The following AP3B1 variants were observed in gnomAD, a reference collection of about 807,000 sequenced individuals.
AP3B1 encodes the protein AP-3 complex subunit beta-1.
A neutral mutation model predicts 132.5 loss-of-function variants in AP3B1; 61 were observed. The observed-to-expected ratio is 0.46, with a 90% CI of 0.37 to 0.57. The LOEUF (loss-of-function observed/expected upper bound fraction) is 0.57, where lower values mean the gene tolerates loss of function less well. AP3B1 is among the 20% of genes least tolerant of loss of function. AP3B1 has a pLI of 0.00. For synonymous variants in AP3B1, 388 were observed against 438.3 expected, an observed-to-expected ratio of 0.89 and a Z score of 1.43; for missense variants, 1,120 against 1,289.4, an observed-to-expected ratio of 0.87 and a Z score of 2.01.
intron 21 of AP3B1, among the ~76,000 whole-genome samples, chr5:78,098,594 T>C (rs1750999175): frequency 6.6e-6 from 1 of 152,230 alleles, no homozygotes; most frequent in South Asian, 2.1e-4. Flanking sequence ...CACAGAAAGA[T>C]ACAAAATATA....
intron 14 of AP3B1, among the ~76,000 whole-genome samples, chr5:78,148,030 T>TG (rs1554070433): frequency 6.2e-5 from 9 of 144,112 alleles, no homozygotes; most frequent in Non-Finnish European, 9.2e-5. Flanking sequence ...AAGACTCCAT[T>TG]AAAAAAAAAA....
At chr5:78,252,111 A>T (rs1473328608) in intron 2 of AP3B1, among the ~76,000 whole-genome samples, 1 of 152,164 alleles carries the variant, frequency 6.6e-6, no homozygotes, top group African/African-American at 2.4e-5. Flanking sequence ...GCCTTGAAGG[A>T]AAGGTCTGAG....
At chr5:78,071,591 C>T (rs1010914190) in intron 22 of AP3B1, among the ~76,000 whole-genome samples, 1 of 152,178 alleles carries the variant, frequency 6.6e-6, no homozygotes, top group African/African-American at 2.4e-5. Context: ...AATAAACACT[C>T]AAACACCAAT....
chr5:78,066,997 G>C (rs1290495161), intron 22 of AP3B1, among the ~76,000 whole-genome samples: 1 of 152,136 alleles, frequency 6.6e-6, no homozygotes, highest in African/African-American at 2.4e-5. Flanking sequence ...AGAAGAGAAT[G>C]GAGGCCAATA....
chr5:78,201,512 C>T (rs1580478550), intron 7 of AP3B1, among the ~76,000 whole-genome samples: 1 of 152,090 alleles, frequency 6.6e-6, no homozygotes, highest in South Asian at 2.1e-4. Flanking sequence ...ACTACTAATA[C>T]AATGTGGATC....
chr5:78,152,190 C>T (rs1370617762), intron 14 of AP3B1, among the ~76,000 whole-genome samples: 3 of 145,336 alleles, frequency 2.1e-5, no homozygotes, highest in Non-Finnish European at 4.5e-5. Flanking sequence ...GTAACAATGA[C>T]CTTGTAGAAT....
At chr5:78,154,540 C>G (rs1170027784) in intron 14 of AP3B1, among the ~76,000 whole-genome samples, 1 of 152,116 alleles carries the variant, frequency 6.6e-6, no homozygotes, top group African/African-American at 2.4e-5. Context: ...AACTTTCCAT[C>G]CCTGCCCCTT....
chr5:78,153,450 G>C (rs895807658), intron 14 of AP3B1, among the ~76,000 whole-genome samples: 1 of 151,546 alleles, frequency 6.6e-6, no homozygotes, highest in Admixed American at 6.6e-5. Context: ...ATCATTATAG[G>C]TGAAGTGTGC....
rs571653087 is a variant in AP3B1, at chr5:78,224,079, A to T, written c.603+1463T>A. Among the ~76,000 whole-genome samples, 4 of 152,262 alleles carry T rather than the reference A, an allele frequency of 2.6e-5. No homozygotes were observed. The South Asian group carries it at 8.3e-4, about 32-fold the overall frequency. ...TAGAAAAGCACTAAGTATTTTTTTA[A>T]ATTATTAAAATCAAGTTAACCATAA... On this transcript the variant is annotated intron_variant, in intron 6 of 26. Transcript: ENST00000255194.
intron 26 of AP3B1, among the ~76,000 whole-genome samples, chr5:78,011,368 G>A (rs896160179): frequency 9.9e-5 from 15 of 152,070 alleles, no homozygotes; most frequent in Admixed American, 2.6e-4. Flanking sequence ...TCAATAAGAT[G>A]ATTTTGTTCT....
At chr5:78,226,316 G>A (rs1453948714) in intron 5 of AP3B1, among the ~76,000 whole-genome samples, 4 of 151,988 alleles carry the variant, frequency 2.6e-5, no homozygotes, top group Non-Finnish European at 5.9e-5. Flanking sequence ...GGAATATGAG[G>A]TTTCACTTTC....
intron 7 of AP3B1, among the ~76,000 whole-genome samples, chr5:78,198,821 G>T (rs578130834): frequency 6.4e-4 from 97 of 152,102 alleles, no homozygotes; most frequent in Non-Finnish European, 1.2e-3. Flanking sequence ...TACTAAGCAG[G>T]AAGAGAATAC....
Position 78,003,066 on chromosome 5 carries a change from A to G in AP3B1, c.3132-11T>C. 1 of 1,613,912 alleles carries G rather than the reference A, an allele frequency of 6.2e-7. No homozygotes were observed. Among genetic ancestry groups the G allele is most frequent in the Non-Finnish European group, 8.5e-7 (1 of 1,179,932 alleles). The stretch of plus-strand genomic sequence containing the variant: ...GTTTTAGCTGCAAACCTGGAAGAGA[A>G]AAAAGAGAGACCTTTTATCATAAGA... On this transcript the variant is annotated splice_polypyrimidine_tract_variant and intron_variant, in intron 26 of 26. Coordinates refer to ENST00000255194, the MANE Select transcript of AP3B1 (RefSeq NM_003664.5).
chr5:78,034,399 G>A lies in AP3B1; in HGVS notation c.2856C>T (p.Asp952=), dbSNP rs912620993. The change falls in exon 24 of 27, where the codon GAC becomes GAT. Residue 952 remains aspartate, a synonymous_variant. Transcript: ENST00000255194. Reference sequence around the variant, plus strand: ...TGGCAGTCTGAGTAGAATCACAAAAGTCAATACCCATTGAAACTGTAATGG... The same window carrying A: ...TGGCAGTCTGAGTAGAATCACAAAAATCAATACCCATTGAAACTGTAATGG... ...EGSITVSMGI[D]FCDSTQTASF... 1.2e-6 allele frequency: 2 copies of A among 1,612,306 alleles called. No homozygotes were observed. Among genetic ancestry groups the A allele is most frequent in the East Asian group, 4.5e-5 (2 of 44,772 alleles).
chr5:78,109,849 T>C (rs916803840), intron 20 of AP3B1, among the ~76,000 whole-genome samples: 2 of 152,184 alleles, frequency 1.3e-5, no homozygotes, highest in Admixed American at 1.3e-4. Flanking sequence ...CACTCTATTA[T>C]GCAAAATGCC....
In AP3B1 at chr5:78,229,573, AAC is replaced by A. The variant is rs1482874864; in HGVS notation, c.280-1336_280-1335del. Among the ~76,000 whole-genome samples, 32 of 143,634 alleles carry A rather than the reference AAC, an allele frequency of 2.2e-4. 1 individual carries two copies. The highest frequency in any genetic ancestry group is 8.5e-4 in the African/African-American group (32 of 37,504). 94.2% of individuals were successfully genotyped at this position (143,634 alleles called of 152,430 possible). ...CATGGTGAAATCCCATTTCTAGTAAAACAAAAAAAAAAAAAATTAGCCAGGCA... is the reference window on the plus strand; with the variant it reads ...CATGGTGAAATCCCATTTCTAGTAAAAAAAAAAAAAAAAATTAGCCAGGCA... On this transcript the variant is annotated intron_variant, in intron 3 of 26. Transcript: ENST00000255194.
intron 6 of AP3B1, among the ~76,000 whole-genome samples, chr5:78,223,762 C>G (rs1410578693): frequency 6.6e-6 from 1 of 152,220 alleles, no homozygotes; most frequent in East Asian, 1.9e-4. Context: ...CCCTACAAAT[C>G]TGGAGCCTAA....
At chr5:78,043,620 C>G (rs1486681679) in intron 22 of AP3B1, 1 of 484,282 alleles carries the variant, frequency 2.1e-6, no homozygotes, top group East Asian at 5.9e-5. Context: ...ACTTTGGTAC[C>G]CCTGCCAATG....
intron 7 of AP3B1, among the ~76,000 whole-genome samples, chr5:78,193,770 A>ATATATAGATATATTTTTTTTTTT: frequency 1.5e-5 from 1 of 67,218 alleles, no homozygotes; most frequent in Non-Finnish European, 3.2e-5. Context: ...ATATATATAT[A>ATATATAGATATATTTTTTTTTTT]TTTTTTTTTT....
Sources: allele counts gnomAD v4.1 joint callset (sites outside exome capture counted in the v4.1 genomes callset), GRCh38; gene constraint gnomAD v4.1.1; transcripts MANE v1.5; gene names NCBI Gene and HGNC (gene_info 2026-07-23, HGNC 2026-07-21).